HAS3: variants seen among roughly 807,000 people sequenced by gnomAD.
HAS3 encodes hyaluronan synthase 3.
Under a neutral mutation model 50.3 loss-of-function variants are expected in HAS3, and 27 were observed. The ratio of observed to expected loss-of-function variants is 0.54; its 90% CI spans 0.40 to 0.74. HAS3 has a LOEUF of 0.74. HAS3 is among the 30% of genes least tolerant of loss of function. The probability of loss-of-function intolerance (pLI) is 0.00; values close to 1 mark genes in which losing one functional copy is unlikely to be tolerated. For missense variants in HAS3, 517 were observed against 742.8 expected, an observed-to-expected ratio of 0.70 and a Z score of 3.53; for synonymous variants, 339 against 310.9, an observed-to-expected ratio of 1.09 and a Z score of -0.95.
At chr16:69,090,229 A>G in the HAS3 span, among the ~76,000 whole-genome samples, 5 of 152,204 alleles carry the variant, frequency 3.3e-5, no homozygotes, top group Non-Finnish European at 5.9e-5. Context: ...TTTGTGCTCC[A>G]CTGACACATG....
chr16:69,116,221 G>A lies in HAS3; in HGVS notation c.*955G>A. Reference sequence around the variant, plus strand: ...TTTCTTCAAAGCCACATTTTTTGAGGTATCACTGCAGTCACCTCTTCTACC... The same window carrying A: ...TTTCTTCAAAGCCACATTTTTTGAGATATCACTGCAGTCACCTCTTCTACC... On this transcript the variant is annotated 3_prime_UTR_variant, in exon 4 of 4. Coordinates refer to ENST00000569188, the MANE Select transcript of HAS3 (RefSeq NM_001199280.2). 3.0e-6 allele frequency: 3 copies of A among 985,542 alleles called. No homozygotes were observed. Among genetic ancestry groups the A allele is most frequent in the Non-Finnish European group, 3.6e-6 (3 of 829,952 alleles). 61.0% of individuals were successfully genotyped at this position (985,542 alleles called of 1,614,324 possible). A position where few individuals can be genotyped will look rare whatever the true frequency, so the allele number is the denominator to read the frequency against.
intron 2 of HAS3, among the ~76,000 whole-genome samples, chr16:69,110,886 C>T (rs906909846): frequency 1.3e-5 from 2 of 152,090 alleles, no homozygotes; most frequent in African/African-American, 4.8e-5. Context: ...CCAAAAAGTC[C>T]CATTCTTCCT....
rs1960861145 is a variant in HAS3 at position 69,107,868 on chromosome 16, C to G, written c.1-1528C>G. ...GGCAGAGCGCCCGGAGGCCGCGCTTCCCGGAGAGGCTAGGCTGCCAGCAGC... is the reference window on the plus strand; with the variant it reads ...GGCAGAGCGCCCGGAGGCCGCGCTTGCCGGAGAGGCTAGGCTGCCAGCAGC... On this transcript the variant is annotated intron_variant, in intron 1 of 3. Transcript: ENST00000569188. This position sits in a 1 kb window ranked among gnomAD's most constrained non-coding sequence, Gnocchi z 5.5. 6.6e-6 allele frequency among the ~76,000 whole-genome samples: 1 copy of G among 152,246 alleles called. No individual in the cohort carries two copies. Among genetic ancestry groups the G allele is most frequent in the Non-Finnish European group, 1.5e-5 (1 of 68,038 alleles).
chr16:69,097,438 C>T, the HAS3 span, among the ~76,000 whole-genome samples: 1 of 142,182 alleles, frequency 7.0e-6, no homozygotes. Flanking sequence ...CAGAGCGAGA[C>T]TCTTTCTCCA....
At position 69,109,409 on chromosome 16, in the gene HAS3, TGAC is replaced by T. The variant is rs1960917429; in HGVS notation, c.18_20del (p.Thr7del). 3 of 1,604,972 alleles carry T rather than the reference TGAC, an allele frequency of 1.9e-6. No individual in the cohort carries two copies. Among genetic ancestry groups the T allele is most frequent in the African/African-American group, 1.3e-5 (1 of 74,884 alleles). ...TTCTCTCGCCAGATGCCGGTGCAGC[TGAC>T]GACAGCCCTGCGTGTGGTGGGCACC... On this transcript the variant is annotated inframe_deletion, in exon 2 of 4. Transcript: ENST00000569188. This position sits in a 1 kb window ranked among gnomAD's most constrained non-coding sequence, Gnocchi z 5.3.
In HAS3 at chr16:69,116,238, T is replaced by A; in HGVS notation, c.*972T>A. 4 of 985,590 alleles carry A rather than the reference T, an allele frequency of 4.1e-6. No homozygotes were observed. The highest frequency in any genetic ancestry group is 4.8e-6 in the Non-Finnish European group (4 of 829,920). 61.1% of individuals were successfully genotyped at this position (985,590 alleles called of 1,614,324 possible). A position where few individuals can be genotyped will look rare whatever the true frequency, so the allele number is the denominator to read the frequency against. ...TTTTTGAGGTATCACTGCAGTCACC[T>A]CTTCTACCCTCATCATCATAGGTAA... On this transcript the variant is annotated 3_prime_UTR_variant, in exon 4 of 4. Transcript: ENST00000569188.
the HAS3 span, among the ~76,000 whole-genome samples, chr16:69,099,795 A>G: frequency 6.6e-6 from 1 of 151,954 alleles, no homozygotes; most frequent in Admixed American, 6.5e-5. Context: ...CTAAAAAGAT[A>G]AGTGTTGAAA....
At chr16:69,088,729 G>A in the HAS3 span, among the ~76,000 whole-genome samples, 3 of 152,098 alleles carry the variant, frequency 2.0e-5, no homozygotes, top group Non-Finnish European at 4.4e-5. Context: ...GAATTAATGA[G>A]CACTAAAATA....
At chr16:69,098,327 C>T in the HAS3 span, among the ~76,000 whole-genome samples, 5 of 151,456 alleles carry the variant, frequency 3.3e-5, no homozygotes, top group African/African-American at 7.3e-5. Flanking sequence ...GCCGAAATGG[C>T]GCCACTGCAC....
upstream of HAS3, among the ~76,000 whole-genome samples, chr16:69,103,423 T>G (rs577725647): frequency 8.1e-4 from 124 of 152,306 alleles, 2 homozygotes; most frequent in South Asian, 0.025. Context: ...GAGATGGAGT[T>G]GCCCTCTTGT....
rs1169541513 is a variant in HAS3 at position 69,106,227 on chromosome 16, G to A, written c.-1+440G>A. ...GGCTCGGCTGGGCAGGCGGCAGTCG[G>A]AGCGCGCGGCGGCGCGGAGCGGAGC... On this transcript the variant is annotated intron_variant, in intron 1 of 3. Transcript: ENST00000569188. This position sits in a 1 kb window ranked among gnomAD's most constrained non-coding sequence, Gnocchi z 5.5. 6.6e-6 allele frequency: 1 copy of A among 152,220 alleles called. No homozygotes were observed. Among genetic ancestry groups the A allele is most frequent in the Non-Finnish European group, 1.5e-5 (1 of 68,302 alleles). The allele number at this position is 152,220 out of a possible 1,614,324, so 9.4% of individuals were successfully genotyped here.
At chr16:69,095,971 T>G in the HAS3 span, among the ~76,000 whole-genome samples, 2 of 151,568 alleles carry the variant, frequency 1.3e-5, no homozygotes, top group Non-Finnish European at 2.9e-5. Flanking sequence ...ATCCCAGCAC[T>G]TTGGAGGCTG....
chr16:69,117,954 A>C (rs749227381), downstream of HAS3: 39 of 217,282 alleles, frequency 1.8e-4, no homozygotes, highest in Non-Finnish European at 6.5e-5. Context: ...AACAATGAAA[A>C]GCAGAGGAAA....
chr16:69,109,836 CTTCT>C lies in HAS3; in HGVS notation c.444_447del (p.Phe148LeufsTer90). 1.9e-6 allele frequency: 3 copies of C among 1,613,236 alleles called. No homozygotes were observed. Among genetic ancestry groups the C allele is most frequent in the African/African-American group, 1.3e-5 (1 of 75,070 alleles). On this transcript the variant is annotated frameshift_variant, in exon 2 of 4. Coordinates refer to ENST00000569188, the MANE Select transcript of HAS3 (RefSeq NM_001199280.2). LOFTEE classifies it high-confidence loss of function. This position sits in a 1 kb window ranked among gnomAD's most constrained non-coding sequence, Gnocchi z 5.3. ...TGCTGGGCGGCACCGAGCAGGCCGG[CTTCT>C]TTGTGTGGCGCAGCAACTTCCATGA...
the HAS3 span, chr16:69,083,791 G>A: frequency 2.9e-6 from 3 of 1,050,144 alleles, no homozygotes; most frequent in East Asian, 2.6e-5. Flanking sequence ...TGGTTTTATG[G>A]TGCAGGTCAC....
upstream of HAS3, among the ~76,000 whole-genome samples, chr16:69,100,855 G>A (rs538858564): frequency 2.0e-5 from 3 of 152,256 alleles, no homozygotes; most frequent in South Asian, 4.1e-4. Flanking sequence ...TCTCTGCACC[G>A]TCGAGTACTT....
At chr16:69,090,604 G>A in the HAS3 span, among the ~76,000 whole-genome samples, 1 of 151,970 alleles carries the variant, frequency 6.6e-6, no homozygotes, top group Non-Finnish European at 1.5e-5. Context: ...GTCTTGCTCT[G>A]TTGTCCAGGC....
At chr16:69,118,382 G>A, downstream of HAS3, 1 of 1,612,076 alleles carries the variant, frequency 6.2e-7, no homozygotes, top group Non-Finnish European at 8.5e-7. Context: ...GGCAGTAGAG[G>A]ATGACCAGGT....
At chr16:69,101,770 A>T (rs1960699137), upstream of HAS3, among the ~76,000 whole-genome samples, 1 of 151,218 alleles carries the variant, frequency 6.6e-6, no homozygotes, top group Non-Finnish European at 1.5e-5. Flanking sequence ...ACTGCCTTGT[A>T]CAGTTTATAC....
Sources: gnomAD v4.1 joint callset for allele counts (sites outside exome capture counted in the v4.1 genomes callset) on GRCh38, gnomAD v4.1.1 for gene constraint, Gnocchi (gnomAD v3.1) non-coding constraint, MANE v1.5 for transcripts, NCBI Gene and HGNC (gene_info 2026-07-23, HGNC 2026-07-21) for gene names.